Variants in ASB4 observed in about 807,000 individuals in gnomAD.
ASB4 encodes the protein ankyrin repeat and SOCS box protein 4.
In ASB4, 35 loss-of-function variants were observed where a neutral mutation model predicts 38.6. The observed-to-expected ratio is 0.91, with a 90% CI of 0.69 to 1.20. The LOEUF is 1.20. Ranked by LOEUF, ASB4 falls within the 50% of genes most tolerant of loss-of-function variation. The pLI, the probability that ASB4 is intolerant of heterozygous loss-of-function variation, is 0.00. For synonymous variants in ASB4, 195 were observed against 201.3 expected (o/e 0.97, Z 0.26); for missense variants, 557 against 527.2 (o/e 1.06, Z -0.55).
chr7:95,526,562 A>G (rs987471045), intron 2 of ASB4, among the ~76,000 whole-genome samples: 1 of 152,188 alleles, frequency 6.6e-6, no homozygotes, highest in African/African-American at 2.4e-5. Context: ...CGTGACAACT[A>G]GCTGGTTGTA....
chr7:95,530,961 A>G (rs921642171), intron 3 of ASB4, among the ~76,000 whole-genome samples: 1 of 152,146 alleles, frequency 6.6e-6, no homozygotes, highest in Non-Finnish European at 1.5e-5. Flanking sequence ...CACTTACTTA[A>G]GAGTGTGATT....
intron 2 of ASB4, among the ~76,000 whole-genome samples, chr7:95,511,558 A>T (rs2116616312): frequency 6.6e-6 from 1 of 152,072 alleles, no homozygotes; most frequent in East Asian, 1.9e-4. Flanking sequence ...GCTACTTGGG[A>T]GGCTGAGGCA....
chr7:95,508,847 G>A (rs1424117143), intron 2 of ASB4, among the ~76,000 whole-genome samples: 1 of 152,202 alleles, frequency 6.6e-6, no homozygotes, highest in Non-Finnish European at 1.5e-5. Flanking sequence ...GGGATCTGAT[G>A]GAGTCCAAGA....
chr7:95,508,491 G>C (rs1223663511), intron 2 of ASB4, among the ~76,000 whole-genome samples: 1 of 152,180 alleles, frequency 6.6e-6, no homozygotes, highest in African/African-American at 2.4e-5. Flanking sequence ...GAATTATAGA[G>C]AACAGGAAAG....
chr7:95,476,587 G>C (rs1473383114), upstream of ASB4, among the ~76,000 whole-genome samples: 22 of 152,180 alleles, frequency 1.4e-4, no homozygotes, highest in Admixed American at 1.4e-3. Context: ...TGATTTCACA[G>C]TCTTGCCTGG....
chr7:95,492,013 A>G (rs1168582607), intron 1 of ASB4, among the ~76,000 whole-genome samples: 2 of 152,110 alleles, frequency 1.3e-5, no homozygotes, highest in African/African-American at 4.8e-5. Context: ...TAGCCTGCAA[A>G]CTGTCCTCTT....
At chr7:95,495,302 G>T (rs1201203890) in intron 1 of ASB4, among the ~76,000 whole-genome samples, 1 of 152,036 alleles carries the variant, frequency 6.6e-6, no homozygotes, top group Non-Finnish European at 1.5e-5. Flanking sequence ...AAAGATTTTG[G>T]ATAGAATAAA....
chr7:95,502,391 C>T (rs7806277), intron 2 of ASB4, among the ~76,000 whole-genome samples: 17 of 66,634 alleles, frequency 2.6e-4, no homozygotes, highest in African/African-American at 1.5e-3. Flanking sequence ...TACCAGCCTG[C>T]GGGGGGGGGG....
chr7:95,489,407 A>C (rs76440896), intron 1 of ASB4, among the ~76,000 whole-genome samples: 2 of 152,168 alleles, frequency 1.3e-5, no homozygotes, highest in Non-Finnish European at 2.9e-5. Flanking sequence ...TCCAGAGTTC[A>C]TGTTCAAACT....
At chr7:95,495,721 G>A (rs771574376) in intron 1 of ASB4, 37 bp from the exon 2 acceptor site, 1 of 1,552,278 alleles carries the variant, frequency 6.4e-7, no homozygotes. Context: ...AGGTCAAGAA[G>A]TTAAACTTTC....
intron 3 of ASB4, among the ~76,000 whole-genome samples, chr7:95,529,481 A>G (rs530412013): frequency 9.2e-5 from 14 of 152,346 alleles, no homozygotes; most frequent in African/African-American, 3.4e-4. Context: ...AAGTTCTACT[A>G]GAGAATTTAA....
rs760574201 is a variant in ASB4, at chr7:95,486,069, T to C, written c.98T>C (p.Leu33Ser). The C allele has an allele frequency of 2.5e-6, 4 of 1,614,138 alleles. No homozygotes were observed. Among genetic ancestry groups the C allele is most frequent in the East Asian group, 4.5e-5 (2 of 44,884 alleles). Residue 33 changes from leucine (L) to serine (S), a missense_variant, in exon 1 of 5, where the codon TTG (leucine) becomes TCG (serine). By Grantham distance (145) the Leu-to-Ser change is moderately radical. Coordinates refer to ENST00000325885, the MANE Select transcript of ASB4 (RefSeq NM_016116.3). ...CTAAAGTCCAATGACTTCGGAAAAT[T>C]GAAGGCTATTTTGATCCAAAGGCAA... ...EALKSNDFGKLKAILIQRQID... is the reference protein window; with the variant it reads ...EALKSNDFGKSKAILIQRQID...
chr7:95,490,321 C>T (rs565981943), intron 1 of ASB4, among the ~76,000 whole-genome samples: 12 of 152,332 alleles, frequency 7.9e-5, no homozygotes, highest in African/African-American at 2.9e-4. Flanking sequence ...CCATTTCCAT[C>T]CTAGGGTTCT....
Position 95,537,691 on chromosome 7 carries a change from C to G in ASB4, c.1213C>G (p.Pro405Ala). The change falls in exon 5 of 5, where the codon CCT (proline) becomes GCT (alanine). Residue 405 changes from proline (P) to alanine (A), a missense_variant. Transcript: ENST00000325885. ...ACACAACAGATGCCATAGAGCAATT[C>G]CTTTGCTTTCCCTCCCATTGTCATT... ...TLHNRCHRAI[P>A]LLSLPLSLKK... 2 of 1,613,826 alleles carry G rather than the reference C, an allele frequency of 1.2e-6. No homozygotes were observed. The highest frequency in any genetic ancestry group is 1.7e-6 in the Non-Finnish European group (2 of 1,179,794).
intron 2 of ASB4, among the ~76,000 whole-genome samples, chr7:95,503,414 A>G (rs1198036131): frequency 6.6e-6 from 1 of 152,204 alleles, no homozygotes; most frequent in Non-Finnish European, 1.5e-5. Context: ...TGGCACATAG[A>G]AAGTGCTCAA....
intron 2 of ASB4, among the ~76,000 whole-genome samples, chr7:95,515,213 CT>C (rs1385424220): frequency 1.6e-5 from 2 of 122,922 alleles, no homozygotes; most frequent in African/African-American, 7.2e-5. Context: ...TTCTTTCTTT[CT>C]TTCTTTCTTT....
intron 2 of ASB4, among the ~76,000 whole-genome samples, chr7:95,510,824 T>C (rs1197625798): frequency 6.6e-6 from 1 of 152,232 alleles, no homozygotes; most frequent in Non-Finnish European, 1.5e-5. Flanking sequence ...GTTTTATAAC[T>C]GGAAGCATCT....
At chr7:95,534,700 T>C (rs1225578539) in intron 3 of ASB4, among the ~76,000 whole-genome samples, 1 of 152,220 alleles carries the variant, frequency 6.6e-6, no homozygotes, top group Non-Finnish European at 1.5e-5. Context: ...TATTATTTAC[T>C]GACTTATATT....
At chr7:95,511,667 A>T (rs1333934486) in intron 2 of ASB4, among the ~76,000 whole-genome samples, 1 of 152,052 alleles carries the variant, frequency 6.6e-6, no homozygotes, top group Non-Finnish European at 1.5e-5. Flanking sequence ...CGTCTCAAAA[A>T]AAAAAAATAA....
Sources: gnomAD v4.1 joint callset for allele counts (sites outside exome capture counted in the v4.1 genomes callset) on GRCh38, gnomAD v4.1.1 for gene constraint, MANE v1.5 for transcripts, NCBI Gene and HGNC (gene_info 2026-07-23, HGNC 2026-07-21) for gene names.